GFOD2: variants seen among roughly 807,000 people sequenced by gnomAD.
GFOD2 encodes glucose-fructose oxidoreductase domain-containing protein 2.
A neutral mutation model predicts 24.6 loss-of-function variants in GFOD2; 9 were observed. The observed-to-expected ratio is 0.37, with a 90% CI of 0.22 to 0.64. GFOD2 has a LOEUF of 0.64. Among genes scored for constraint, GFOD2 ranks in the 30% least tolerant of loss-of-function variants. GFOD2 has a pLI of 0.65. For synonymous variants in GFOD2, 211 were observed against 224.8 expected, an observed-to-expected ratio of 0.94 and a Z score of 0.55; for missense variants, 476 against 532.5, an observed-to-expected ratio of 0.89 and a Z score of 1.04.
chr16:67,686,915 C>CG (rs1289643299), intron 1 of GFOD2, among the ~76,000 whole-genome samples: 1 of 150,112 alleles, frequency 6.7e-6, no homozygotes, highest in African/African-American at 2.5e-5. Flanking sequence ...GGGAGGCTGA[C>CG]GTGGGTGGAT....
chr16:67,681,137 A>C, intron 2 of GFOD2: 1 of 985,466 alleles, frequency 1.0e-6, no homozygotes, highest in Non-Finnish European at 1.2e-6. Flanking sequence ...TGCTGAACAC[A>C]TATGGCTGAC....
Position 67,675,726 on chromosome 16 carries a change from TTCTCG to T in GFOD2, c.582_586del (p.Glu195GlyfsTer23). The T allele has an allele frequency of 6.2e-7, 1 of 1,614,128 alleles. No individual in the cohort carries two copies. The highest frequency in any genetic ancestry group is 2.2e-5 in the East Asian group (1 of 44,886). On this transcript the variant is annotated frameshift_variant, in exon 3 of 3. Coordinates refer to ENST00000268797, the MANE Select transcript of GFOD2 (RefSeq NM_030819.4). LOFTEE classifies it high-confidence loss of function. ...GAATGTCTTGAGCAGCCCGTGCACCTTCTCGGCTCTCCGGCCGGTCAGGTGGGTCA... is the reference window on the plus strand; with the variant it reads ...GAATGTCTTGAGCAGCCCGTGCACCTGCTCTCCGGCCGGTCAGGTGGGTCA...
intron 1 of GFOD2, among the ~76,000 whole-genome samples, chr16:67,695,795 C>G (rs989672914): frequency 1.3e-5 from 2 of 152,046 alleles, no homozygotes; most frequent in African/African-American, 4.8e-5. Flanking sequence ...CTCGGCCTCC[C>G]AAAGTGCTAA....
chr16:67,707,406 C>T (rs564498446), intron 1 of GFOD2, among the ~76,000 whole-genome samples: 9 of 150,884 alleles, frequency 6.0e-5, no homozygotes, highest in East Asian at 5.8e-4. Context: ...AGAGGATATG[C>T]GGCAAATGGA....
In GFOD2 at chr16:67,675,617, A is replaced by C. The variant is rs984367668; in HGVS notation, c.696T>G (p.Gly232=). ...AGTTGAGTGTCACTGTGCTACACAC[A>C]CCCCCACCCATGAGCATCTGGAAGA... ...FCFFQMLMGG[G]VCSTVTLNFN... is the part of the protein sequence containing the mutation. The change falls in exon 3 of 3, where the codon GGT becomes GGG. Residue 232 remains glycine, a synonymous_variant. Coordinates refer to ENST00000268797, the MANE Select transcript of GFOD2 (RefSeq NM_030819.4). The C allele has an allele frequency of 1.4e-5, 23 of 1,613,056 alleles. No individual in the cohort carries two copies. Among genetic ancestry groups the C allele is most frequent in the Non-Finnish European group, 1.8e-5 (21 of 1,180,030 alleles).
intron 1 of GFOD2, among the ~76,000 whole-genome samples, chr16:67,716,208 C>G (rs2142998154): frequency 1.3e-5 from 2 of 152,256 alleles, no homozygotes; most frequent in Admixed American, 1.3e-4. Flanking sequence ...AAAATCAGTT[C>G]AGTGAAAGTA....
chr16:67,708,998 A>G (rs1006511561), intron 1 of GFOD2, among the ~76,000 whole-genome samples: 2 of 152,140 alleles, frequency 1.3e-5, no homozygotes, highest in African/African-American at 4.8e-5. Flanking sequence ...CAGATCCTCA[A>G]CCTAACTTAA....
chr16:67,687,619 C>A (rs1460002160), intron 1 of GFOD2, among the ~76,000 whole-genome samples: 3 of 121,516 alleles, frequency 2.5e-5, no homozygotes, highest in African/African-American at 9.8e-5. Context: ...CCAGCCTGGG[C>A]GACAGAGCAA....
At chr16:67,688,060 G>A (rs1352800998) in intron 1 of GFOD2, among the ~76,000 whole-genome samples, 1 of 152,158 alleles carries the variant, frequency 6.6e-6, no homozygotes, top group African/African-American at 2.4e-5. Flanking sequence ...CAATCTAGAT[G>A]TCCAATACAA....
At chr16:67,712,288 TC>T (rs1209464205) in intron 1 of GFOD2, among the ~76,000 whole-genome samples, 2 of 43,380 alleles carry the variant, frequency 4.6e-5, no homozygotes, top group Admixed American at 2.2e-4. Context: ...CCCCTCCCCC[TC>T]CCCCTCCCCC....
intron 1 of GFOD2, among the ~76,000 whole-genome samples, chr16:67,702,632 C>T (rs2053411094): frequency 7.3e-6 from 1 of 136,416 alleles, no homozygotes; most frequent in Admixed American, 7.8e-5. Flanking sequence ...TGGAGTCTCG[C>T]TCTGTTGCCC....
chr16:67,684,159 G>A (rs1256245811), intron 2 of GFOD2: 1 of 152,536 alleles, frequency 6.6e-6, no homozygotes. Flanking sequence ...GATCACCTGA[G>A]GTCAGGAGCC....
At chr16:67,680,495 C>T (rs2142992746) in intron 2 of GFOD2, 2 of 152,800 alleles carry the variant, frequency 1.3e-5, no homozygotes, top group Middle Eastern at 3.4e-3. Context: ...AGCCTGGCCC[C>T]CTGGTAGCTC....
At chr16:67,696,167 C>A (rs993361404) in intron 1 of GFOD2, among the ~76,000 whole-genome samples, 2 of 151,994 alleles carry the variant, frequency 1.3e-5, no homozygotes, top group Non-Finnish European at 2.9e-5. Flanking sequence ...GAGCCCGCCA[C>A]CATGCCTGGC....
intron 1 of GFOD2, among the ~76,000 whole-genome samples, chr16:67,691,695 T>A (rs1324975380): frequency 1.3e-5 from 2 of 152,070 alleles, no homozygotes; most frequent in African/African-American, 4.8e-5. Flanking sequence ...ATACTTGCAA[T>A]AGGAACTAAA....
chr16:67,681,462 C>G (rs2142992935), intron 2 of GFOD2: 1 of 948,008 alleles, frequency 1.1e-6, no homozygotes, highest in Non-Finnish European at 1.3e-6. Flanking sequence ...GCTTTGTTAC[C>G]CAGTGGTATA....
intron 1 of GFOD2, among the ~76,000 whole-genome samples, chr16:67,703,018 A>G (rs1302336700): frequency 6.6e-6 from 1 of 152,212 alleles, no homozygotes; most frequent in African/African-American, 2.4e-5. Context: ...GGCAGCTTGT[A>G]TAGTGGTTAG....
At chr16:67,714,200 C>T (rs2053493362) in intron 1 of GFOD2, among the ~76,000 whole-genome samples, 1 of 148,618 alleles carries the variant, frequency 6.7e-6, no homozygotes, top group African/African-American at 2.6e-5. Flanking sequence ...GGTCCAGAGG[C>T]CAGGCAGGGT....
intron 1 of GFOD2, among the ~76,000 whole-genome samples, chr16:67,711,892 T>G (rs2053476545): frequency 6.6e-6 from 1 of 151,732 alleles, no homozygotes; most frequent in South Asian, 2.1e-4. Context: ...CCACGTGGCT[T>G]TCTCTCTCTC....
Sources: allele counts gnomAD v4.1 joint callset (sites outside exome capture counted in the v4.1 genomes callset), GRCh38; gene constraint gnomAD v4.1.1; transcripts MANE v1.5; gene names NCBI Gene and HGNC (gene_info 2026-07-23, HGNC 2026-07-21).